The following HTR4 variants were observed in gnomAD, a reference collection of about 807,000 sequenced individuals.
The protein encoded by HTR4 is 5-hydroxytryptamine receptor 4.
A neutral mutation model predicts 36.8 loss-of-function variants in HTR4; 16 were observed. The observed-to-expected ratio is 0.43, with a 90% CI of 0.29 to 0.66. The LOEUF (loss-of-function observed/expected upper bound fraction) is 0.66, where lower values mean the gene tolerates loss of function less well. Ranked by LOEUF, HTR4 falls within the 30% of genes least tolerant of loss-of-function variation. HTR4 has a pLI of 0.13. For missense variants in HTR4, 438 were observed against 490.9 expected, an observed-to-expected ratio of 0.89 and a Z score of 1.02; for synonymous variants, 189 against 185.1, an observed-to-expected ratio of 1.02 and a Z score of -0.17.
chr5:148,609,649 T>C (rs1297584950), intron 2 of HTR4, among the ~76,000 whole-genome samples: 1 of 151,038 alleles, frequency 6.6e-6, no homozygotes, highest in African/African-American at 2.4e-5. Context: ...CACTGCACGC[T>C]CTGCCTCCAG....
At chr5:148,648,116 A>C (rs1485366384) in intron 1 of HTR4, among the ~76,000 whole-genome samples, 8 of 152,232 alleles carry the variant, frequency 5.3e-5, no homozygotes, top group Admixed American at 5.2e-4. Flanking sequence ...ACGAGTGTTC[A>C]CTATATAGTT....
At position 148,617,816 on chromosome 5, in the gene HTR4, G is replaced by T. The variant is rs145756394; in HGVS notation, c.26+19173C>A. Among the ~76,000 whole-genome samples, 612 of 152,184 alleles carry T rather than the reference G, an allele frequency of 4.0e-3. 4 individuals carry two copies. Among genetic ancestry groups the T allele is most frequent in the African/African-American group, 0.014 (570 of 41,526 alleles). On this transcript the variant is annotated intron_variant, in intron 2 of 6. Transcript: ENST00000377888. ...GTTCTTACAGTAATGAATTAATCAG[G>T]ACTCTGGTTTCAAATTTCAGAAACT...
chr5:148,562,803 C>T (rs1440524689), intron 2 of HTR4, among the ~76,000 whole-genome samples: 1 of 152,186 alleles, frequency 6.6e-6, no homozygotes, highest in East Asian at 1.9e-4. Flanking sequence ...ACCTCTTCTA[C>T]CTCCAGTACA....
chr5:148,484,895 A>G (rs1756079373), intron 6 of HTR4, among the ~76,000 whole-genome samples: 1 of 152,202 alleles, frequency 6.6e-6, no homozygotes, highest in African/African-American at 2.4e-5. Context: ...TCAGGCCTTT[A>G]CATACTCCCT....
intron 6 of HTR4, among the ~76,000 whole-genome samples, chr5:148,489,658 A>C (rs1756324457): frequency 1.3e-5 from 2 of 152,172 alleles, no homozygotes; most frequent in African/African-American, 4.8e-5. Context: ...ATCCAGAGAC[A>C]ATATAATTCG....
chr5:148,601,967 G>T (rs1460160877), intron 2 of HTR4, among the ~76,000 whole-genome samples: 1 of 152,100 alleles, frequency 6.6e-6, no homozygotes, highest in Non-Finnish European at 1.5e-5. Flanking sequence ...TAATTTTTCA[G>T]AAGCTGGGGG....
At chr5:148,558,198 C>A (rs1200072195) in intron 2 of HTR4, among the ~76,000 whole-genome samples, 2 of 151,992 alleles carry the variant, frequency 1.3e-5, no homozygotes, top group Non-Finnish European at 2.9e-5. Flanking sequence ...GAGAAGAGTA[C>A]AAGGGCATTC....
downstream of HTR4, among the ~76,000 whole-genome samples, chr5:148,473,659 T>C (rs1755627544): frequency 6.6e-6 from 1 of 152,168 alleles, no homozygotes; most frequent in Admixed American, 6.5e-5. Context: ...TGAACAAAAT[T>C]GATTTATGTA....
intron 2 of HTR4, among the ~76,000 whole-genome samples, chr5:148,611,354 G>A (rs1354624928): frequency 2.0e-5 from 3 of 152,038 alleles, no homozygotes; most frequent in Non-Finnish European, 2.9e-5. Flanking sequence ...CAAGCCAGAA[G>A]AGAGTGGGGG....
chr5:148,558,984 C>G (rs1336266666), intron 2 of HTR4, among the ~76,000 whole-genome samples: 1 of 152,104 alleles, frequency 6.6e-6, no homozygotes, highest in Non-Finnish European at 1.5e-5. Flanking sequence ...TGCACCTAAC[C>G]TATAGAACAT....
downstream of HTR4, chr5:148,481,346 G>T: frequency 1.8e-6 from 1 of 566,996 alleles, no homozygotes; most frequent in African/African-American, 1.9e-5. Flanking sequence ...CTTCATATGT[G>T]ACAAGAATGG....
chr5:148,603,189 C>A (rs1762055521), intron 2 of HTR4, among the ~76,000 whole-genome samples: 1 of 151,898 alleles, frequency 6.6e-6, no homozygotes, highest in Non-Finnish European at 1.5e-5. Flanking sequence ...TTGAATAAAA[C>A]CGCATCTAAA....
chr5:148,503,297 G>C (rs1374980041), intron 6 of HTR4, among the ~76,000 whole-genome samples: 1 of 152,178 alleles, frequency 6.6e-6, no homozygotes, highest in African/African-American at 2.4e-5. Context: ...GGATCTCTCC[G>C]CAGAAACTCT....
At chr5:148,615,488 C>T (rs1044672116) in intron 2 of HTR4, among the ~76,000 whole-genome samples, 3 of 129,022 alleles carry the variant, frequency 2.3e-5, no homozygotes, top group Admixed American at 9.9e-5. Context: ...AATGAGATCA[C>T]ATGGACACAG....
chr5:148,537,614 C>T (rs187208772), intron 4 of HTR4, among the ~76,000 whole-genome samples: 99 of 152,206 alleles, frequency 6.5e-4, no homozygotes, highest in African/African-American at 2.4e-3. Flanking sequence ...GACCTCTATG[C>T]ACACTAACTA....
At chr5:148,603,191 G>A (rs543602736) in intron 2 of HTR4, among the ~76,000 whole-genome samples, 5 of 151,850 alleles carry the variant, frequency 3.3e-5, no homozygotes, top group East Asian at 3.9e-4. Context: ...GAATAAAACC[G>A]CATCTAAAGC....
chr5:148,597,561 A>G (rs1004424083), intron 2 of HTR4, among the ~76,000 whole-genome samples: 1 of 151,380 alleles, frequency 6.6e-6, no homozygotes, highest in African/African-American at 2.4e-5. Flanking sequence ...AGCCATATTC[A>G]CTCCTTTTCA....
intron 4 of HTR4, among the ~76,000 whole-genome samples, chr5:148,526,121 A>T (rs1758264271): frequency 6.6e-6 from 1 of 152,170 alleles, no homozygotes; most frequent in Non-Finnish European, 1.5e-5. Context: ...TCAGACTTCT[A>T]GCCTTTAGAG....
intron 2 of HTR4, among the ~76,000 whole-genome samples, chr5:148,581,419 A>C (rs1581504929): frequency 6.8e-6 from 1 of 146,220 alleles, no homozygotes. Context: ...TATTACTGAG[A>C]TCAATGACAA....
Sources: allele counts gnomAD v4.1 joint callset (sites outside exome capture counted in the v4.1 genomes callset), GRCh38; gene constraint gnomAD v4.1.1; transcripts MANE v1.5; gene names NCBI Gene and HGNC (gene_info 2026-07-23, HGNC 2026-07-21).